Variants in RAB38 observed in about 807,000 individuals in gnomAD.
RAB38 encodes RAB38, member RAS oncogene family, also known as ras-related protein Rab-38.
In RAB38, 15 loss-of-function variants were observed where a neutral mutation model predicts 18.4. The ratio of observed to expected loss-of-function variants is 0.82; its 90% CI spans 0.55 to 1.26. The LOEUF (loss-of-function observed/expected upper bound fraction) is 1.26. Among genes scored for constraint, RAB38 ranks in the 50% most tolerant of loss-of-function variants. RAB38 has a pLI of 0.00. For synonymous variants in RAB38, 101 were observed against 104.4 expected, an observed-to-expected ratio of 0.97 and a Z score of 0.20; for missense variants, 294 against 267.4, an observed-to-expected ratio of 1.10 and a Z score of -0.69.
chr11:88,057,218 C>T, the RAB38 span, among the ~76,000 whole-genome samples: 6,181 of 152,258 alleles, frequency 0.041, 158 homozygotes, highest in African/African-American at 0.074. Context: ...TTGCTCTTTC[C>T]TCTGCCTGCA....
chr11:88,160,982 T>C (rs1321820341), intron 1 of RAB38, among the ~76,000 whole-genome samples: 2 of 148,258 alleles, frequency 1.3e-5, no homozygotes, highest in Non-Finnish European at 3.0e-5. Context: ...CCTGAATCTA[T>C]AATAAAAGTT....
At chr11:87,972,495 G>A in the RAB38 span, among the ~76,000 whole-genome samples, 1 of 148,956 alleles carries the variant, frequency 6.7e-6, no homozygotes, top group Non-Finnish European at 1.5e-5. Context: ...GAAAACATAT[G>A]CTTGCTCCAA....
the RAB38 span, among the ~76,000 whole-genome samples, chr11:87,869,905 A>T: frequency 4.6e-5 from 7 of 151,822 alleles, no homozygotes; most frequent in Non-Finnish European, 1.0e-4. Context: ...TAACACTTAC[A>T]AAAGTTCTAT....
the RAB38 span, among the ~76,000 whole-genome samples, chr11:87,941,210 AT>A: frequency 2.6e-5 from 1 of 38,898 alleles, no homozygotes; most frequent in Non-Finnish European, 4.3e-5. Context: ...TTATAAATAT[AT>A]GAGATATATA....
At chr11:87,862,359 G>A in the RAB38 span, among the ~76,000 whole-genome samples, 1 of 151,936 alleles carries the variant, frequency 6.6e-6, no homozygotes, top group Non-Finnish European at 1.5e-5. Flanking sequence ...GTCCTTTGCT[G>A]GGGCATGGAT....
chr11:87,827,371 G>A, the RAB38 span, among the ~76,000 whole-genome samples: 1 of 151,388 alleles, frequency 6.6e-6, no homozygotes, highest in Non-Finnish European at 1.5e-5. Flanking sequence ...CTCATTAGGA[G>A]CTCTTTATTG....
chr11:87,916,691 T>G, the RAB38 span, among the ~76,000 whole-genome samples: 1 of 152,170 alleles, frequency 6.6e-6, no homozygotes, highest in Non-Finnish European at 1.5e-5. Context: ...TATTATGTCT[T>G]TCTCTCCTTC....
chr11:88,056,957 T>C, the RAB38 span, among the ~76,000 whole-genome samples: 81 of 152,326 alleles, frequency 5.3e-4, no homozygotes, highest in Middle Eastern at 3.4e-3. Context: ...GTGATTCCTG[T>C]GTTCACTCGG....
At chr11:87,812,674 C>A in the RAB38 span, among the ~76,000 whole-genome samples, 1 of 152,176 alleles carries the variant, frequency 6.6e-6, no homozygotes, top group African/African-American at 2.4e-5. Flanking sequence ...CCACACTGCT[C>A]ATCATGTATC....
the RAB38 span, among the ~76,000 whole-genome samples, chr11:87,810,063 C>T: frequency 3.3e-5 from 5 of 152,080 alleles, no homozygotes; most frequent in Admixed American, 1.3e-4. Context: ...TCCAATAATA[C>T]TTCAAAATTT....
chr11:87,807,064 C>T, the RAB38 span, among the ~76,000 whole-genome samples: 1,913 of 152,158 alleles, frequency 0.013, 33 homozygotes, highest in African/African-American at 0.044. Context: ...CATAGGAGCG[C>T]GAACTCTATT....
the RAB38 span, among the ~76,000 whole-genome samples, chr11:88,104,944 G>A: frequency 6.6e-6 from 1 of 151,864 alleles, no homozygotes. Context: ...GAGACTCCAT[G>A]GCCCCATATT....
the RAB38 span, among the ~76,000 whole-genome samples, chr11:87,938,976 GT>G: frequency 6.6e-6 from 1 of 151,800 alleles, no homozygotes; most frequent in Non-Finnish European, 1.5e-5. Flanking sequence ...GTCCTTCATT[GT>G]TTTTTTAACG....
the RAB38 span, among the ~76,000 whole-genome samples, chr11:88,010,334 T>C: frequency 1.3e-5 from 2 of 152,174 alleles, no homozygotes; most frequent in South Asian, 2.1e-4. Context: ...TCAAGTTCTA[T>C]AAGAGAGGAC....
the RAB38 span, among the ~76,000 whole-genome samples, chr11:87,972,975 T>G: frequency 6.6e-6 from 1 of 151,932 alleles, no homozygotes. Flanking sequence ...ACCTCCCCCT[T>G]TCCTCTCTTC....
chr11:87,804,193 C>T, the RAB38 span, among the ~76,000 whole-genome samples: 1 of 152,220 alleles, frequency 6.6e-6, no homozygotes, highest in Non-Finnish European at 1.5e-5. Context: ...GGAAAATAGT[C>T]TAATTGAGGG....
At chr11:87,813,312 T>C in the RAB38 span, among the ~76,000 whole-genome samples, 2 of 152,122 alleles carry the variant, frequency 1.3e-5, no homozygotes, top group Non-Finnish European at 1.5e-5. Flanking sequence ...GATAATACAG[T>C]GTGTTGATAA....
At chr11:88,029,879 C>G in the RAB38 span, among the ~76,000 whole-genome samples, 3 of 152,124 alleles carry the variant, frequency 2.0e-5, no homozygotes, top group African/African-American at 4.8e-5. Context: ...CCAAGCAGAC[C>G]TAATAGACAT....
the RAB38 span, among the ~76,000 whole-genome samples, chr11:87,867,867 C>T: frequency 6.6e-6 from 1 of 151,696 alleles, no homozygotes; most frequent in African/African-American, 2.4e-5. Context: ...TACCTCAACT[C>T]AGTGAGCTAG....
Sources: gnomAD v4.1 joint callset for allele counts (sites outside exome capture counted in the v4.1 genomes callset) on GRCh38, gnomAD v4.1.1 for gene constraint, MANE v1.5 for transcripts, NCBI Gene and HGNC (gene_info 2026-07-23, HGNC 2026-07-21) for gene names.